The following MPDZ variants were observed in gnomAD, a reference collection of about 807,000 sequenced individuals.
MPDZ encodes multiple PDZ domain protein.
Under a neutral mutation model 239.1 loss-of-function variants are expected in MPDZ, and 234 were observed. That is an observed-to-expected ratio of 0.98 (90% CI 0.88 to 1.09). The LOEUF (loss-of-function observed/expected upper bound fraction) is 1.09, where lower values mean the gene tolerates loss of function less well. Among genes scored for constraint, MPDZ ranks in the 50% least tolerant of loss-of-function variants. The pLI is 0.00. For missense variants in MPDZ, 3,175 were observed against 2,510.0 expected (o/e 1.26, Z -5.66); for synonymous variants, 1,048 against 881.3 (o/e 1.19, Z -3.35).
At chr9:13,134,571 C>T (rs1439167473) in intron 31 of MPDZ, 1 of 152,158 alleles carries the variant, frequency 6.6e-6, no homozygotes, top group Non-Finnish European at 1.5e-5. Context: ...CACTGATAAT[C>T]ACCAAAGTTC....
intron 3 of MPDZ, among the ~76,000 whole-genome samples, chr9:13,237,212 G>A (rs955046375): frequency 6.6e-6 from 1 of 151,860 alleles, no homozygotes; most frequent in African/African-American, 2.4e-5. Flanking sequence ...GGAGGCTGAG[G>A]TGGGCAGATT....
intron 39 of MPDZ, among the ~76,000 whole-genome samples, chr9:13,118,411 G>C (rs1230893829): frequency 6.6e-6 from 1 of 152,106 alleles, no homozygotes; most frequent in East Asian, 1.9e-4. Flanking sequence ...ATAAACCTGA[G>C]AGGTGAGTAA....
chr9:13,210,851 C>A (rs1055449943), intron 10 of MPDZ, among the ~76,000 whole-genome samples: 1 of 152,122 alleles, frequency 6.6e-6, no homozygotes, highest in African/African-American at 2.4e-5. Context: ...CTGGAATCTT[C>A]CAAGAGCCCA....
chr9:13,192,837 C>T (rs1955120557), intron 14 of MPDZ, among the ~76,000 whole-genome samples: 1 of 152,188 alleles, frequency 6.6e-6, no homozygotes, highest in African/African-American at 2.4e-5. Context: ...GACCCTTTTC[C>T]ATTCTTTATC....
intron 21 of MPDZ, among the ~76,000 whole-genome samples, chr9:13,171,253 T>G (rs1490227252): frequency 6.6e-6 from 1 of 152,130 alleles, no homozygotes; most frequent in African/African-American, 2.4e-5. Flanking sequence ...ATGTTTAAAA[T>G]GCATCTCTCC....
At position 13,224,479 on chromosome 9, in the gene MPDZ, G is replaced by C; in HGVS notation, c.288C>G (p.Ser96=). 2 of 1,612,752 alleles carry C rather than the reference G, an allele frequency of 1.2e-6. No homozygotes were observed. The highest frequency in any genetic ancestry group is 1.7e-5 in the Admixed American group (1 of 59,824). ...GTGCTTCCAGATTCCCATTGTTTGG[G>C]GATAATAAAAACGATTCATTTTGCA... ...PTLQNESFLL[S]PNNGNLEALT... The change falls in exon 4 of 47, where the codon TCC becomes TCG. Residue 96 remains serine (S), a synonymous_variant. Coordinates refer to ENST00000319217, the MANE Select transcript of MPDZ (RefSeq NM_001378778.1).
chr9:13,179,079 A>G (rs867353858), intron 19 of MPDZ, among the ~76,000 whole-genome samples: 1 of 152,148 alleles, frequency 6.6e-6, no homozygotes, highest in African/African-American at 2.4e-5. Context: ...GTGACTTATT[A>G]TCTCTCTAGA....
At chr9:13,133,305 C>A (rs369970040) in intron 32 of MPDZ, among the ~76,000 whole-genome samples, 1 of 152,114 alleles carries the variant, frequency 6.6e-6, no homozygotes, top group African/African-American at 2.4e-5. Flanking sequence ...TTAATAACTT[C>A]TTTTCTTTTT....
At chr9:13,182,402 CAT>C (rs1953470154) in intron 19 of MPDZ, among the ~76,000 whole-genome samples, 2 of 152,100 alleles carry the variant, frequency 1.3e-5, no homozygotes, top group South Asian at 4.1e-4. Flanking sequence ...GTATTAGACA[CAT>C]AGCTAAATTC....
intron 19 of MPDZ, 113 bp from the exon 20 acceptor site, chr9:13,176,530 ATTAT>A (rs962294845): frequency 8.8e-6 from 8 of 907,418 alleles, no homozygotes; most frequent in Middle Eastern, 3.5e-4. Flanking sequence ...AAACATAACA[ATTAT>A]TTATTACTCA....
chr9:13,129,208 A>C (rs1348473535), intron 32 of MPDZ, among the ~76,000 whole-genome samples: 1 of 152,154 alleles, frequency 6.6e-6, no homozygotes, highest in Non-Finnish European at 1.5e-5. Flanking sequence ...CAGACCTGTA[A>C]TCCCAGCACT....
At chr9:13,265,292 G>C (rs183671195) in intron 1 of MPDZ, among the ~76,000 whole-genome samples, 7 of 152,278 alleles carry the variant, frequency 4.6e-5, no homozygotes, top group African/African-American at 1.7e-4. Context: ...CAGGTCGACC[G>C]TGCATTTGGG....
chr9:13,277,146 A>G (rs1431166654), intron 1 of MPDZ, among the ~76,000 whole-genome samples: 1 of 152,170 alleles, frequency 6.6e-6, no homozygotes, highest in Non-Finnish European at 1.5e-5. Context: ...CAAGCAGAGC[A>G]ATGTCTAGGT....
rs958057721 is a variant in MPDZ at position 13,114,105 on chromosome 9, G to C, written c.5467-84C>G. The C allele has an allele frequency of 1.8e-5, 18 of 1,021,872 alleles. No individual in the cohort carries two copies. The African/African-American group carries it at 2.6e-4, about 15-fold the overall frequency. 63.3% of individuals were successfully genotyped at this position (1,021,872 alleles called of 1,614,324 possible). ...CACTTATTTCAGAATTTAATCTAGAGACAGATACCTGTTAAGCAACAGTGG... is the reference window on the plus strand; with the variant it reads ...CACTTATTTCAGAATTTAATCTAGACACAGATACCTGTTAAGCAACAGTGG... On this transcript the variant is annotated intron_variant, in intron 40 of 46. Coordinates refer to ENST00000319217, the MANE Select transcript of MPDZ (RefSeq NM_001378778.1).
intron 3 of MPDZ, among the ~76,000 whole-genome samples, chr9:13,230,684 G>T (rs1191113135): frequency 1.3e-5 from 2 of 152,082 alleles, no homozygotes; most frequent in Non-Finnish European, 2.9e-5. Context: ...TGATAAAATA[G>T]ATCTGATCTT....
intron 1 of MPDZ, among the ~76,000 whole-genome samples, chr9:13,268,732 C>A (rs1972341160): frequency 4.6e-5 from 7 of 152,122 alleles, no homozygotes; most frequent in Admixed American, 3.9e-4. Flanking sequence ...TCTGCTAAGG[C>A]AACAAAACCA....
intron 18 of MPDZ, among the ~76,000 whole-genome samples, chr9:13,184,376 G>T (rs1051448878): frequency 5.3e-5 from 8 of 151,570 alleles, no homozygotes; most frequent in African/African-American, 1.9e-4. Flanking sequence ...GATACTACCA[G>T]CATTTTCTGT....
intron 4 of MPDZ, 49 bp from the exon 5 acceptor site, chr9:13,223,759 T>C (rs1453055323): frequency 6.5e-7 from 1 of 1,527,854 alleles, no homozygotes; most frequent in Non-Finnish European, 8.8e-7. Flanking sequence ...AGGCCATGCA[T>C]GGTGGTTCAC....
chr9:13,121,496 A>T (rs1239746668), intron 38 of MPDZ, among the ~76,000 whole-genome samples: 1 of 152,236 alleles, frequency 6.6e-6, no homozygotes. Context: ...TTCCTAGCAC[A>T]TAGCAGGTGC....
Sources: gnomAD v4.1 joint callset for allele counts (sites outside exome capture counted in the v4.1 genomes callset) on GRCh38, gnomAD v4.1.1 for gene constraint, MANE v1.5 for transcripts, NCBI Gene and HGNC (gene_info 2026-07-23, HGNC 2026-07-21) for gene names.